Variants in SLC35F3 observed in about 807,000 individuals in gnomAD.
SLC35F3 encodes the protein putative thiamine transporter SLC35F3.
Under a neutral mutation model 49.9 loss-of-function variants are expected in SLC35F3, and 25 were observed. The ratio of observed to expected loss-of-function variants is 0.50; its 90% CI spans 0.37 to 0.70. The LOEUF (loss-of-function observed/expected upper bound fraction) is 0.70, where lower values mean the gene tolerates loss of function less well. SLC35F3 is among the 30% of genes least tolerant of loss of function. The pLI, the probability that SLC35F3 is intolerant of heterozygous loss-of-function variation, is 0.00. For missense variants in SLC35F3, 525 were observed against 639.8 expected (o/e 0.82, Z 1.94); for synonymous variants, 275 against 265.4 (o/e 1.04, Z -0.35).
At chr1:234,223,800 G>A (rs1228439219) in intron 2 of SLC35F3, among the ~76,000 whole-genome samples, 4 of 152,074 alleles carry the variant, frequency 2.6e-5, no homozygotes, top group African/African-American at 9.7e-5. Context: ...TTTAAAAAAG[G>A]ACATTTTTTT....
At chr1:234,094,507 G>A (rs1275038318) in intron 2 of SLC35F3, among the ~76,000 whole-genome samples, 1 of 152,168 alleles carries the variant, frequency 6.6e-6, no homozygotes, top group Non-Finnish European at 1.5e-5. Context: ...TTCCCTGTTG[G>A]TGCCTGATTG....
At chr1:234,175,913 G>A (rs932478028) in intron 2 of SLC35F3, among the ~76,000 whole-genome samples, 5 of 152,170 alleles carry the variant, frequency 3.3e-5, no homozygotes, top group Admixed American at 1.3e-4. Flanking sequence ...GTCTCCTTAT[G>A]AGTGTTGGGT....
intron 3 of SLC35F3, among the ~76,000 whole-genome samples, chr1:234,241,852 A>G (rs1667559330): frequency 6.6e-6 from 1 of 152,084 alleles, no homozygotes; most frequent in South Asian, 2.1e-4. Context: ...CTGCAGTAAC[A>G]GTGGTCACTG....
rs1661750258 is a variant in SLC35F3 at position 233,905,130 on chromosome 1, TG to T, written c.53+1del. The T allele has an allele frequency of 7.7e-6, 12 of 1,555,936 alleles. No homozygotes were observed. Among genetic ancestry groups the T allele is most frequent in the Non-Finnish European group, 9.6e-6 (11 of 1,148,946 alleles). On this transcript the variant is annotated splice_donor_variant, in intron 1 of 7. Transcript: ENST00000366618. LOFTEE classifies it high-confidence loss of function. ...GCACCCAGGGGCAAGAGCATTGCCG[TG>T]TGAGTAGCGCCCCGGGCGTGGGTGA...
intron 3 of SLC35F3, among the ~76,000 whole-genome samples, chr1:234,295,055 A>G (rs1276783994): frequency 6.6e-6 from 1 of 152,266 alleles, no homozygotes; most frequent in Non-Finnish European, 1.5e-5. Context: ...GAGAAATGTC[A>G]TGATTGTCTA....
At chr1:234,112,669 C>T (rs1665426139) in intron 2 of SLC35F3, among the ~76,000 whole-genome samples, 2 of 146,830 alleles carry the variant, frequency 1.4e-5, no homozygotes, top group Admixed American at 6.8e-5. Flanking sequence ...CATTCTCCTT[C>T]CTCAGCCTCC....
intron 2 of SLC35F3, among the ~76,000 whole-genome samples, chr1:234,035,715 G>A (rs1300872700): frequency 1.2e-4 from 18 of 152,060 alleles, no homozygotes; most frequent in Non-Finnish European, 2.5e-4. Context: ...CTTCCACTGA[G>A]TTATAAATTT....
At chr1:233,976,802 G>C (rs1022450411) in intron 2 of SLC35F3, among the ~76,000 whole-genome samples, 1 of 152,080 alleles carries the variant, frequency 6.6e-6, no homozygotes, top group East Asian at 1.9e-4. Context: ...GTAGAGACAT[G>C]GTTTCACCAT....
chr1:234,165,365 C>A (rs1666298533), intron 2 of SLC35F3, among the ~76,000 whole-genome samples: 1 of 152,066 alleles, frequency 6.6e-6, no homozygotes, highest in South Asian at 2.1e-4. Context: ...CTCTGTGTGT[C>A]CTGCTCATTT....
chr1:234,068,926 T>A (rs1266179648), intron 2 of SLC35F3, among the ~76,000 whole-genome samples: 3 of 107,454 alleles, frequency 2.8e-5, no homozygotes, highest in East Asian at 2.7e-4. Context: ...TGTAATATAT[T>A]ATATATAAAA....
intron 2 of SLC35F3, among the ~76,000 whole-genome samples, chr1:234,162,667 T>C (rs1666246850): frequency 6.6e-6 from 1 of 152,086 alleles, no homozygotes; most frequent in Non-Finnish European, 1.5e-5. Context: ...ACTTGACCTA[T>C]GTAGCCATTG....
intron 3 of SLC35F3, among the ~76,000 whole-genome samples, chr1:234,276,291 C>T (rs1392561653): frequency 6.6e-6 from 1 of 152,058 alleles, no homozygotes; most frequent in African/African-American, 2.4e-5. Context: ...GGCTATGGAC[C>T]TGAGATAAGC....
intron 2 of SLC35F3, among the ~76,000 whole-genome samples, chr1:234,108,383 TATAA>T (rs1665324606): frequency 1.1e-5 from 1 of 94,966 alleles, no homozygotes; most frequent in East Asian, 4.3e-3. Context: ...TATTTATATA[TATAA>T]AAGATATATA....
At chr1:234,090,267 A>G (rs1043129019) in intron 2 of SLC35F3, among the ~76,000 whole-genome samples, 1 of 152,286 alleles carries the variant, frequency 6.6e-6, no homozygotes, top group African/African-American at 2.4e-5. Context: ...CAAAGAGACA[A>G]ACCTTTGCCT....
intron 2 of SLC35F3, among the ~76,000 whole-genome samples, chr1:234,210,027 C>T (rs1382283260): frequency 6.6e-6 from 1 of 152,122 alleles, no homozygotes; most frequent in Admixed American, 6.5e-5. Context: ...GAGGGACCCA[C>T]TGGGAGGTAA....
At chr1:234,052,361 C>T (rs983577646) in intron 2 of SLC35F3, among the ~76,000 whole-genome samples, 2 of 152,128 alleles carry the variant, frequency 1.3e-5, no homozygotes, top group Non-Finnish European at 2.9e-5. Flanking sequence ...CTGGTTTAGT[C>T]TTGGGAGGGT....
intron 2 of SLC35F3, among the ~76,000 whole-genome samples, chr1:233,958,089 T>C (rs752195798): frequency 3.3e-5 from 5 of 152,222 alleles, no homozygotes; most frequent in African/African-American, 4.8e-5. Context: ...CTGCCAGTCC[T>C]CTTAGAGACG....
At chr1:234,133,497 G>A (rs116580980) in intron 2 of SLC35F3, among the ~76,000 whole-genome samples, 42 of 152,320 alleles carry the variant, frequency 2.8e-4, no homozygotes, top group African/African-American at 9.4e-4. Context: ...GTTCCCTGCA[G>A]CAGATGACCA....
chr1:234,275,763 A>AAATATATAT (rs1553260465), intron 3 of SLC35F3, among the ~76,000 whole-genome samples: 52 of 135,528 alleles, frequency 3.8e-4, no homozygotes, highest in African/African-American at 1.5e-3. Flanking sequence ...AAAAAAAAAA[A>AAATATATAT]ATATATATAT....
Sources: allele counts gnomAD v4.1 joint callset (sites outside exome capture counted in the v4.1 genomes callset), GRCh38; gene constraint gnomAD v4.1.1; transcripts MANE v1.5; gene names NCBI Gene and HGNC (gene_info 2026-07-23, HGNC 2026-07-21).